ANO4: variants seen among roughly 807,000 people sequenced by gnomAD.
ANO4 encodes anoctamin-4.
ANO4 carries 69 observed loss-of-function variants against 141.9 expected under a neutral mutation model. The ratio of observed to expected loss-of-function variants is 0.49; its 90% confidence interval spans 0.40 to 0.59. The LOEUF (loss-of-function observed/expected upper bound fraction) is 0.59, where lower values mean the gene tolerates loss of function less well. ANO4 is among the 20% of genes least tolerant of loss of function. The probability of loss-of-function intolerance (pLI) is 0.00; values close to 1 mark genes in which losing one functional copy is unlikely to be tolerated. For missense variants in ANO4, 894 were observed against 1,162.2 expected (o/e 0.77, Z 3.36); for synonymous variants, 350 against 394.3 (o/e 0.89, Z 1.33).
At chr12:101,105,712 A>G (rs2050412838) in intron 22 of ANO4, among the ~76,000 whole-genome samples, 1 of 152,260 alleles carries the variant, frequency 6.6e-6, no homozygotes, top group African/African-American at 2.4e-5. Flanking sequence ...ATAGAAGAAA[A>G]TACTGACAAA....
intron 3 of ANO4, among the ~76,000 whole-genome samples, chr12:100,744,718 T>C (rs146352664): frequency 6.3e-4 from 96 of 152,290 alleles, no homozygotes; most frequent in Non-Finnish European, 1.2e-3. Flanking sequence ...GGCTAACTTA[T>C]TAATTATGTC....
chr12:100,857,455 A>G (rs1327188824), intron 1 of ANO4, among the ~76,000 whole-genome samples: 1 of 152,146 alleles, frequency 6.6e-6, no homozygotes, highest in African/African-American at 2.4e-5. Flanking sequence ...AATCCTTACC[A>G]TAATCCCTAC....
chr12:100,896,330 A>C (rs1223931011), intron 1 of ANO4, among the ~76,000 whole-genome samples: 2 of 152,188 alleles, frequency 1.3e-5, no homozygotes, highest in African/African-American at 4.8e-5. Context: ...AACACTGAGA[A>C]GGTGATATAA....
At chr12:100,901,521 G>T in intron 1 of ANO4, 125 bp from the exon 2 acceptor site, 1 of 481,608 alleles carries the variant, frequency 2.1e-6, no homozygotes, top group Admixed American at 3.9e-5. Context: ...ACTTTTGAGT[G>T]ATGCATACCT....
intron 8 of ANO4, among the ~76,000 whole-genome samples, chr12:100,995,041 G>A (rs2045307197): frequency 6.6e-6 from 1 of 151,954 alleles, no homozygotes; most frequent in African/African-American, 2.4e-5. Context: ...CACTATTAGT[G>A]TGCTGAGGTA....
chr12:100,883,127 G>T (rs575708228), intron 1 of ANO4, among the ~76,000 whole-genome samples: 1 of 152,308 alleles, frequency 6.6e-6, no homozygotes, highest in South Asian at 2.1e-4. Context: ...GAGGAGATAA[G>T]TACAAAAGTC....
At chr12:100,954,140 A>G (rs907064233) in intron 5 of ANO4, among the ~76,000 whole-genome samples, 3 of 152,170 alleles carry the variant, frequency 2.0e-5, no homozygotes, top group African/African-American at 7.2e-5. Flanking sequence ...CCTAGTACTT[A>G]TAATTGCCTA....
intron 3 of ANO4, among the ~76,000 whole-genome samples, chr12:100,780,009 A>G (rs2033664142): frequency 6.6e-6 from 1 of 152,020 alleles, no homozygotes; most frequent in Non-Finnish European, 1.5e-5. Flanking sequence ...TAACTTACAA[A>G]CTTTATTTTC....
chr12:100,816,091 A>T (rs1251448750), intron 1 of ANO4, among the ~76,000 whole-genome samples: 1 of 152,212 alleles, frequency 6.6e-6, no homozygotes, highest in African/African-American at 2.4e-5. Flanking sequence ...TTCCCAAAGC[A>T]TTTAAAATAT....
chr12:101,017,637 C>T (rs754604385), intron 8 of ANO4, among the ~76,000 whole-genome samples: 1 of 152,220 alleles, frequency 6.6e-6, no homozygotes, highest in African/African-American at 2.4e-5. Context: ...AGCGAGCAAA[C>T]AGAGTCACCA....
Position 101,020,069 on chromosome 12 carries a change from A to T in ANO4, c.770A>T (p.Asn257Ile). Reference protein sequence around the residue: ...IIHNKETFFNNATRSRIVHHI... With the variant: ...IIHNKETFFNIATRSRIVHHI... ...CACAACAAAGAAACGTTCTTCAACA[A>T]TGCCACAAGAAGTAGAATCGTGCAT... Residue 257 changes from asparagine (N) to isoleucine (I), a missense_variant, in exon 9 of 28, where the codon AAT (asparagine) becomes ATT (isoleucine). By Grantham distance (149) the Asn-to-Ile change is moderately radical. Around this residue, in one of 2 missense-constraint regions of ANO4, gnomAD observed 637 missense variants for 909.2 expected, o/e 0.70. Transcript: ENST00000392977. The T allele has an allele frequency of 1.9e-6, 3 of 1,613,676 alleles. No homozygotes were observed. Among genetic ancestry groups the T allele is most frequent in the Non-Finnish European group, 2.5e-6 (3 of 1,179,706 alleles).
At chr12:100,968,963 C>T (rs1429340517) in intron 5 of ANO4, among the ~76,000 whole-genome samples, 1 of 152,166 alleles carries the variant, frequency 6.6e-6, no homozygotes, top group Admixed American at 6.5e-5. Context: ...TAATAGGTTA[C>T]TCAACAGAAG....
At chr12:101,044,244 T>TA (rs1385274716) in intron 13 of ANO4, among the ~76,000 whole-genome samples, 1 of 152,138 alleles carries the variant, frequency 6.6e-6, no homozygotes, top group African/African-American at 2.4e-5. Flanking sequence ...ATACAGGAAA[T>TA]ATGTGTCCTC....
At chr12:100,804,616 G>A (rs945869015) in intron 1 of ANO4, among the ~76,000 whole-genome samples, 4 of 152,122 alleles carry the variant, frequency 2.6e-5, no homozygotes, top group African/African-American at 9.7e-5. Context: ...AGCATCTGTC[G>A]TTTCTTGACT....
Position 101,128,323 on chromosome 12 carries a change from C to CAACT in ANO4, c.*468_*471dup, listed in dbSNP as rs1179189955. 6.6e-6 allele frequency: 1 copy of CAACT among 152,562 alleles called. No homozygotes were observed. Among genetic ancestry groups the CAACT allele is most frequent in the East Asian group, 1.9e-4 (1 of 5,194 alleles). The allele number at this position is 152,562 out of a possible 1,614,324, so 9.5% of individuals were successfully genotyped here. A position where few individuals can be genotyped will look rare whatever the true frequency, so the allele number is the denominator to read the frequency against. ...AACAACACAGACAAGACCCTGTTTA[C>CAACT]AACTTTTTCTTTCCTTTTTTTTAAT... On this transcript the variant is annotated 3_prime_UTR_variant, in exon 28 of 28. Transcript: ENST00000392977.
chr12:100,937,626 T>C (rs2042340188), intron 3 of ANO4, among the ~76,000 whole-genome samples: 1 of 152,190 alleles, frequency 6.6e-6, no homozygotes, highest in Non-Finnish European at 1.5e-5. Context: ...ATATATTGTT[T>C]TAGTTTCCTT....
chr12:101,098,252 G>C (rs1018155457), intron 21 of ANO4, among the ~76,000 whole-genome samples: 1 of 152,100 alleles, frequency 6.6e-6, no homozygotes, highest in African/African-American at 2.4e-5. Flanking sequence ...CTCCAGCATT[G>C]CAAGTCCTTA....
At chr12:101,005,927 C>T (rs1270940724) in intron 8 of ANO4, among the ~76,000 whole-genome samples, 1 of 152,118 alleles carries the variant, frequency 6.6e-6, no homozygotes, top group Non-Finnish European at 1.5e-5. Context: ...CTTCCTGCCT[C>T]CTCCTCTTCT....
intron 14 of ANO4, among the ~76,000 whole-genome samples, chr12:101,073,935 A>C (rs564328966): frequency 1.3e-5 from 2 of 152,056 alleles, no homozygotes; most frequent in East Asian, 3.9e-4. Flanking sequence ...TACATGGTGG[A>C]GGTGAAGGTA....
Sources: allele counts gnomAD v4.1 joint callset (sites outside exome capture counted in the v4.1 genomes callset), GRCh38; gene constraint gnomAD v4.1.1; regional missense constraint gnomAD v4.1.1; transcripts MANE v1.5; gene names NCBI Gene and HGNC (gene_info 2026-07-23, HGNC 2026-07-21).